BCAS3: variants seen among roughly 807,000 people sequenced by gnomAD.
BCAS3 encodes the protein BCAS4/BCAS3 fusion.
In BCAS3, 53 loss-of-function variants were observed where a neutral mutation model predicts 116.1. That is an observed-to-expected ratio of 0.46 (90% confidence interval 0.37 to 0.57). The LOEUF is 0.57. BCAS3 is among the 20% of genes least tolerant of loss of function. BCAS3 has a pLI of 0.00. For missense variants in BCAS3, 917 were observed against 1,165.4 expected (o/e 0.79, Z 3.10); for synonymous variants, 391 against 408.2 (o/e 0.96, Z 0.51).
At chr17:60,842,831 A>G (rs1309874672) in intron 7 of BCAS3, among the ~76,000 whole-genome samples, 1 of 151,224 alleles carries the variant, frequency 6.6e-6, no homozygotes, top group Non-Finnish European at 1.5e-5. Flanking sequence ...TCCTAATAAT[A>G]CTGACTTTGT....
Position 61,124,552 on chromosome 17 carries a change from C to A in BCAS3, c.2425+39988C>A, listed in dbSNP as rs1327907911. On this transcript the variant is annotated intron_variant, in intron 22 of 23. Transcript: ENST00000407086. This position sits in a 1 kb window ranked among gnomAD's most constrained non-coding sequence, Gnocchi z 4.6. ...TATTTTGGCATCATTTCTTACATACCCTGTTATTGTTTAGGGGAAAAATGT... is the reference window on the plus strand; with the variant it reads ...TATTTTGGCATCATTTCTTACATACACTGTTATTGTTTAGGGGAAAAATGT... 6.6e-6 allele frequency among the ~76,000 whole-genome samples: 1 copy of A among 151,910 alleles called. No homozygotes were observed. The highest frequency in any genetic ancestry group is 1.5e-5 in the Non-Finnish European group (1 of 67,978).
At position 61,265,192 on chromosome 17, in the gene BCAS3, T is replaced by C. The variant is rs1386703706; in HGVS notation, c.2426-103135T>C. Among the ~76,000 whole-genome samples the C allele has an allele frequency of 1.3e-5, 2 of 152,188 alleles. No individual in the cohort carries two copies. The highest frequency in any genetic ancestry group is 2.9e-5 in the Non-Finnish European group (2 of 68,038). ...ACTTTGGGAGCCTGAGGCAGGCAGA[T>C]CACCTGAGGTTGCGAGTTCAAGACC... On this transcript the variant is annotated intron_variant, in intron 22 of 23. Transcript: ENST00000407086. This position sits in a 1 kb window ranked among gnomAD's most constrained non-coding sequence, Gnocchi z 4.3.
At chr17:61,271,924 C>T (rs1276509376) in intron 22 of BCAS3, among the ~76,000 whole-genome samples, 1 of 152,006 alleles carries the variant, frequency 6.6e-6, no homozygotes, top group Non-Finnish European at 1.5e-5. Flanking sequence ...GTCCTTCTGC[C>T]GCAGCTTCTC....
intron 22 of BCAS3, among the ~76,000 whole-genome samples, chr17:61,237,572 A>T (rs2083165593): frequency 6.6e-6 from 1 of 152,070 alleles, no homozygotes; most frequent in African/African-American, 2.4e-5. Context: ...GAGCTGTAAC[A>T]CTCACCTCGA....
intron 9 of BCAS3, among the ~76,000 whole-genome samples, chr17:60,880,955 T>TTTTG (rs1567778005): frequency 8.7e-4 from 132 of 151,164 alleles, no homozygotes; most frequent in Non-Finnish European, 1.5e-3. Flanking sequence ...TTTCTTCTTT[T>TTTTG]TTTTGTTTTG....
Position 61,141,631 on chromosome 17 carries a change from G to A in BCAS3, c.2425+57067G>A, listed in dbSNP as rs777778728. ...ATTAAAACTTAAACAGGCTGGGCGT[G>A]GTGGCTCACACCTGTAATCCCAGCT... is the stretch of plus-strand genomic sequence containing the variant. On this transcript the variant is annotated intron_variant, in intron 22 of 23. Transcript: ENST00000407086. The surrounding 1 kb of genome is among the most constrained non-coding windows in gnomAD (Gnocchi z 4.3). Among the ~76,000 whole-genome samples the A allele has an allele frequency of 7.2e-5, 11 of 152,156 alleles. No homozygotes were observed. Among genetic ancestry groups the A allele is most frequent in the Admixed American group, 3.3e-4 (5 of 15,284 alleles).
At chr17:60,701,819 A>AAAAAG (rs2143942864) in intron 4 of BCAS3, among the ~76,000 whole-genome samples, 1 of 150,856 alleles carries the variant, frequency 6.6e-6, no homozygotes, top group African/African-American at 2.4e-5. Flanking sequence ...AAAAAAAAAA[A>AAAAAG]AAGAAAAAGC....
At chr17:60,923,976 C>T (rs995292733) in intron 12 of BCAS3, among the ~76,000 whole-genome samples, 34 of 152,102 alleles carry the variant, frequency 2.2e-4, no homozygotes, top group African/African-American at 7.9e-4. Flanking sequence ...TATGTTGTTT[C>T]CCCCCCATTC....
At chr17:61,374,199 T>C (rs951860735) in intron 23 of BCAS3, among the ~76,000 whole-genome samples, 6 of 150,610 alleles carry the variant, frequency 4.0e-5, no homozygotes, top group African/African-American at 7.3e-5. Context: ...TTTTTTTTTT[T>C]TTTCTCTGTC....
chr17:61,188,477 G>A lies in BCAS3; in HGVS notation c.2425+103913G>A, dbSNP rs990440916. On this transcript the variant is annotated intron_variant, in intron 22 of 23. Transcript: ENST00000407086. The surrounding 1 kb of genome is among the most constrained non-coding windows in gnomAD (Gnocchi z 4.0). ...AGTCTGGGAGGCAAGTGGATTTTAGGTGTTTTATATCAAAGTTGTTTATCT... is the reference window on the plus strand; with the variant it reads ...AGTCTGGGAGGCAAGTGGATTTTAGATGTTTTATATCAAAGTTGTTTATCT... Among the ~76,000 whole-genome samples the A allele has an allele frequency of 6.6e-6, 1 of 152,184 alleles. No individual in the cohort carries two copies.
chr17:61,061,724 A>C (rs1019306276), intron 19 of BCAS3, among the ~76,000 whole-genome samples: 1 of 152,216 alleles, frequency 6.6e-6, no homozygotes, highest in Non-Finnish European at 1.5e-5. Context: ...AAATGCATCT[A>C]ACATTCAGGT....
chr17:61,045,394 C>A (rs2067954106), intron 19 of BCAS3, among the ~76,000 whole-genome samples: 1 of 151,380 alleles, frequency 6.6e-6, no homozygotes, highest in Non-Finnish European at 1.5e-5. Flanking sequence ...ACCTGTAGTC[C>A]CAGTTGCTCA....
rs2057601101 is a variant in BCAS3 at position 61,347,949 on chromosome 17, A to G, written c.2426-20378A>G. Among the ~76,000 whole-genome samples, 1 of 152,216 alleles carries G rather than the reference A, an allele frequency of 6.6e-6. No homozygotes were observed. Among genetic ancestry groups the G allele is most frequent in the Non-Finnish European group, 1.5e-5 (1 of 68,036 alleles). ...AGGCCAGATGATAGACAGTTGTGCT[A>G]AGAAGATTGGGCTTAATCCTGAGGG... On this transcript the variant is annotated intron_variant, in intron 22 of 23. Coordinates refer to ENST00000407086, the MANE Select transcript of BCAS3 (RefSeq NM_017679.5). The surrounding 1 kb of genome is among the most constrained non-coding windows in gnomAD (Gnocchi z 4.3).
chr17:61,197,842 G>A (rs777973434), intron 22 of BCAS3, among the ~76,000 whole-genome samples: 15 of 152,138 alleles, frequency 9.9e-5, no homozygotes, highest in South Asian at 2.1e-4. Context: ...TTGTTCTGTG[G>A]CCCTATAGTA....
intron 19 of BCAS3, among the ~76,000 whole-genome samples, chr17:61,052,814 A>T (rs2069002518): frequency 6.8e-6 from 1 of 146,602 alleles, no homozygotes; most frequent in African/African-American, 2.5e-5. Flanking sequence ...TGCCTCCCGG[A>T]TCAAGTGATC....
At chr17:61,152,113 C>T (rs9895596) in intron 22 of BCAS3, among the ~76,000 whole-genome samples, 128,423 of 152,118 alleles carry the variant, frequency 0.84, 58,498 homozygotes, top group East Asian at 1. Context: ...AAAGATGGCA[C>T]GGACCCAAAG....
chr17:61,160,368 A>G (rs563812888), intron 22 of BCAS3, among the ~76,000 whole-genome samples: 1 of 152,164 alleles, frequency 6.6e-6, no homozygotes, highest in African/African-American at 2.4e-5. Flanking sequence ...GGTAATTGCC[A>G]TTGCCGTGCT....
chr17:61,163,063 C>A (rs2078255808), intron 22 of BCAS3, among the ~76,000 whole-genome samples: 2 of 152,132 alleles, frequency 1.3e-5, no homozygotes, highest in Non-Finnish European at 2.9e-5. Context: ...AATACATTTA[C>A]CAGAGGAAAT....
Position 60,863,108 on chromosome 17 carries a change from A to AT in BCAS3, c.477-5461dup, listed in dbSNP as rs1184166774. Among the ~76,000 whole-genome samples the AT allele has an allele frequency of 7.9e-5, 12 of 152,158 alleles. No individual in the cohort carries two copies. The South Asian group carries it at 2.1e-3, about 26-fold the overall frequency. ...TTGAGTTTGTTTTTGGAGCAATTTA[A>AT]TTTTTTTCATATAGAAATCTGATTC... is the stretch of plus-strand genomic sequence containing the variant. On this transcript the variant is annotated intron_variant, in intron 7 of 23. Coordinates refer to ENST00000407086, the MANE Select transcript of BCAS3 (RefSeq NM_017679.5).
Sources: gnomAD v4.1 joint callset for allele counts (sites outside exome capture counted in the v4.1 genomes callset) on GRCh38, gnomAD v4.1.1 for gene constraint, Gnocchi (gnomAD v3.1) non-coding constraint, MANE v1.5 for transcripts, NCBI Gene and HGNC (gene_info 2026-07-23, HGNC 2026-07-21) for gene names.